The following INO80E variants were observed in gnomAD, a reference collection of about 807,000 sequenced individuals.
INO80E encodes INO80 complex subunit E, also known as coiled-coil domain containing 95.
Under a neutral mutation model 27.3 loss-of-function variants are expected in INO80E, and 20 were observed. The observed-to-expected ratio is 0.73, with a 90% CI of 0.51 to 1.06. INO80E has a LOEUF of 1.06. Among genes scored for constraint, INO80E ranks in the 50% least tolerant of loss-of-function variants. INO80E has a pLI of 0.00. For synonymous variants in INO80E, 167 were observed against 145.9 expected (o/e 1.14, Z -1.04); for missense variants, 357 against 322.8 (o/e 1.11, Z -0.81).
At chr16:29,999,713 A>G (rs2070277158) in intron 3 of INO80E, 1 of 152,254 alleles carries the variant, frequency 6.6e-6, no homozygotes, top group Non-Finnish European at 1.5e-5. Context: ...TTTAAAGAAT[A>G]CAGTTACGTT....
rs2070348728 is a variant in INO80E at position 30,001,406 on chromosome 16, G to GCCCGCAGCTGGCCTCCT, written c.397-2_411dup. 1.3e-6 allele frequency: 2 copies of GCCCGCAGCTGGCCTCCT among 1,580,222 alleles called. No homozygotes were observed. Among genetic ancestry groups the GCCCGCAGCTGGCCTCCT allele is most frequent in the Non-Finnish European group, 1.7e-6 (2 of 1,161,552 alleles). ...GCCTCCCATCTCCATCCCCGCTCCCGCCCGCAGCTGGCCTCCTCCCGCTAC... is the reference window on the plus strand; with the variant it reads ...GCCTCCCATCTCCATCCCCGCTCCCGCCCGCAGCTGGCCTCCTCCCGCAGCTGGCCTCCTCCCGCTAC... On this transcript the variant is annotated splice_region_variant and splice_polypyrimidine_tract_variant and intron_variant, in intron 5 of 6. Transcript: ENST00000563197.
At chr16:30,000,723 C>T in intron 3 of INO80E, 35 bp from the exon 4 acceptor site, 1 of 1,561,232 alleles carries the variant, frequency 6.4e-7, no homozygotes, top group Non-Finnish European at 8.8e-7. Context: ...GACTGGGATC[C>T]CCCCATCCCC....
intron 3 of INO80E, among the ~76,000 whole-genome samples, chr16:29,998,168 G>A (rs1370848716): frequency 1.3e-5 from 2 of 152,032 alleles, no homozygotes; most frequent in Admixed American, 1.3e-4. Context: ...GTGGGCACCT[G>A]TAGTCCCAGT....
intron 5 of INO80E, 73 bp downstream of exon 5, chr16:30,001,113 G>C: frequency 6.8e-7 from 1 of 1,481,358 alleles, no homozygotes; most frequent in Non-Finnish European, 9.1e-7. Flanking sequence ...GCTGGGCCTC[G>C]GGGCAAGGCC....
chr16:30,000,086 A>G (rs117390841), intron 3 of INO80E, among the ~76,000 whole-genome samples: 1 of 152,186 alleles, frequency 6.6e-6, no homozygotes, highest in Non-Finnish European at 1.5e-5. Flanking sequence ...TTGGAGTCTT[A>G]GCCTCACACC....
chr16:30,004,729 A>G (rs913756518), intron 6 of INO80E: 9 of 156,064 alleles, frequency 5.8e-5, no homozygotes, highest in African/African-American at 1.9e-4. Context: ...CCAAGACATA[A>G]TACAAGCTTC....
In INO80E at chr16:30,005,232, AC is replaced by A. The variant is rs1339809802; in HGVS notation, c.531del (p.Asp178ThrfsTer8). 19 of 1,359,564 alleles carry A rather than the reference AC, an allele frequency of 1.4e-5. No homozygotes were observed. The highest frequency in any genetic ancestry group is 3.3e-5 in the South Asian group (2 of 60,228). 84.2% of individuals were successfully genotyped at this position (1,359,564 alleles called of 1,614,324 possible). ...LPRKLKMAVG[P>X]PDCPVGGPLT... ...TCCCCCTGCTGCAGATGGCGGTGGG[AC>A]CCCCCGACTGCCCTGTGGGAGGGCC... On this transcript the variant is annotated frameshift_variant, in exon 7 of 7. Transcript: ENST00000563197. LOFTEE classifies it high-confidence loss of function.
intron 3 of INO80E, among the ~76,000 whole-genome samples, chr16:29,997,362 T>C (rs1229268143): frequency 6.6e-6 from 1 of 152,184 alleles, no homozygotes; most frequent in Non-Finnish European, 1.5e-5. Flanking sequence ...TATGGCTATG[T>C]TTCTATAAAA....
rs760917913 is a variant in INO80E, at chr16:29,998,523, C to T, written c.205+1663C>T. Reference sequence around the variant, plus strand: ...ACATGTTAAACAAAACAAAGTTTAACGAAACATTTTTAAGATCACTGTATC... The same window carrying T: ...ACATGTTAAACAAAACAAAGTTTAATGAAACATTTTTAAGATCACTGTATC... On this transcript the variant is annotated intron_variant, in intron 3 of 6. Coordinates refer to ENST00000563197, the MANE Select transcript of INO80E (RefSeq NM_173618.3). Among the ~76,000 whole-genome samples the T allele has an allele frequency of 2.3e-4, 35 of 152,150 alleles. 1 individual carries two copies. Among genetic ancestry groups the T allele is most frequent in the African/African-American group, 1.2e-4 (5 of 41,436 alleles).
intron 3 of INO80E, among the ~76,000 whole-genome samples, chr16:29,997,442 T>G (rs980049991): frequency 6.6e-6 from 1 of 151,946 alleles, no homozygotes; most frequent in Non-Finnish European, 1.5e-5. Context: ...TTTTTTTTTT[T>G]CCAACCGTTT....
intron 3 of INO80E, among the ~76,000 whole-genome samples, chr16:29,998,021 A>G (rs771470018): frequency 2.0e-5 from 3 of 151,756 alleles, no homozygotes; most frequent in Non-Finnish European, 2.9e-5. Flanking sequence ...TCAAGGCTGC[A>G]GTGAGCCATG....
chr16:29,999,067 G>A (rs549738048), intron 3 of INO80E, among the ~76,000 whole-genome samples: 1 of 152,178 alleles, frequency 6.6e-6, no homozygotes, highest in East Asian at 1.9e-4. Context: ...AAGCACATTG[G>A]TCTGAGGCAG....
chr16:30,004,868 G>C (rs1483419312), intron 6 of INO80E, among the ~76,000 whole-genome samples: 1 of 152,140 alleles, frequency 6.6e-6, no homozygotes, highest in East Asian at 1.9e-4. Flanking sequence ...TGGCACCTCC[G>C]GGGCCGGCAG....
intron 3 of INO80E, among the ~76,000 whole-genome samples, chr16:29,998,290 C>CAA (rs796207569): frequency 1.2e-4 from 9 of 77,486 alleles, no homozygotes; most frequent in South Asian, 1.0e-3. Context: ...GACTCCATCT[C>CAA]AAAAAAAAAA....
chr16:30,005,394 C>T lies in INO80E; in HGVS notation c.687C>T (p.Asp229=), dbSNP rs778990620. 2.8e-5 allele frequency: 41 copies of T among 1,465,308 alleles called. No homozygotes were observed. Among genetic ancestry groups the T allele is most frequent in the Middle Eastern group, 2.0e-4 (1 of 4,886 alleles). 90.8% of individuals were successfully genotyped at this position (1,465,308 alleles called of 1,614,324 possible). Reference sequence around the variant, plus strand: ...TGTTCAGCGATGCAGGTAGCGGGGACGATGCCTTGGATGGAGACGATGACC... The same window carrying T: ...TGTTCAGCGATGCAGGTAGCGGGGATGATGCCTTGGATGGAGACGATGACC... ...RQMFSDAGSG[D]DALDGDDDLV... The change falls in exon 7 of 7, where the codon GAC becomes GAT. Residue 229 remains aspartate, a synonymous_variant. Transcript: ENST00000563197.
chr16:30,000,714 A>T lies in INO80E; in HGVS notation c.206-44A>T, dbSNP rs373731190. 65 of 1,516,530 alleles carry T rather than the reference A, an allele frequency of 4.3e-5. 1 individual carries two copies. The highest frequency in any genetic ancestry group is 1.6e-4 in the East Asian group (7 of 44,378). The allele number at this position is 1,516,530 out of a possible 1,614,324, so 93.9% of individuals were successfully genotyped here. ...AGGAGGTTATACCTTTCTGGGATGG[A>T]CTGGGATCCCCCCATCCCCACTGAC... is the stretch of plus-strand genomic sequence containing the variant. On this transcript the variant is annotated intron_variant, in intron 3 of 6. Coordinates refer to ENST00000563197, the MANE Select transcript of INO80E (RefSeq NM_173618.3).
chr16:30,001,605 G>A (rs2150935464), intron 6 of INO80E, 75 bp downstream of exon 6: 1 of 1,399,932 alleles, frequency 7.1e-7, no homozygotes, highest in East Asian at 2.4e-5. Context: ...TGAAGGCGGG[G>A]GCCTGTCAGA....
intron 5 of INO80E, 128 bp from the exon 6 acceptor site, chr16:30,001,286 G>GGGAGCC: frequency 6.7e-7 from 1 of 1,490,024 alleles, no homozygotes; most frequent in East Asian, 2.5e-5. Flanking sequence ...TTCTGTGCTC[G>GGGAGCC]GGAGCCCCGG....
chr16:30,001,575 G>T, intron 6 of INO80E, 45 bp downstream of exon 6: 2 of 1,569,512 alleles, frequency 1.3e-6, no homozygotes, highest in East Asian at 2.3e-5. Context: ...ACGGCAGGAG[G>T]ACAGTCACCT....
Sources: gnomAD v4.1 joint callset for allele counts (sites outside exome capture counted in the v4.1 genomes callset) on GRCh38, gnomAD v4.1.1 for gene constraint, MANE v1.5 for transcripts, NCBI Gene and HGNC (gene_info 2026-07-23, HGNC 2026-07-21) for gene names.